ATP2B2: variants seen among roughly 807,000 people sequenced by gnomAD.
The protein encoded by ATP2B2 is plasma membrane calcium-transporting ATPase 2.
Under a neutral mutation model 120.0 loss-of-function variants are expected in ATP2B2, and 15 were observed. The ratio of observed to expected loss-of-function variants is 0.12; its 90% CI spans 0.08 to 0.19. ATP2B2 has a LOEUF of 0.19. ATP2B2 is among the 10% of genes least tolerant of loss of function. The pLI is 1.00. For missense variants in ATP2B2, 1,045 were observed against 1,719.8 expected (o/e 0.61, Z 6.94); for synonymous variants, 694 against 700.3 (o/e 0.99, Z 0.14).
At chr3:10,355,791 C>CTTTGTGCGTGTGTGTGTGTGT in intron 14 of ATP2B2, among the ~76,000 whole-genome samples, 14 of 92,520 alleles carry the variant, frequency 1.5e-4, no homozygotes, top group South Asian at 9.5e-4. Context: ...TTGTCCTTTC[C>CTTTGTGCGTGTGTGTGTGTGT]GGCCGGGCGC....
intron 12 of ATP2B2, among the ~76,000 whole-genome samples, chr3:10,366,594 C>A (rs986384810): frequency 1.1e-4 from 16 of 152,226 alleles, no homozygotes; most frequent in African/African-American, 3.9e-4. Context: ...GCAGTATCAA[C>A]CTCCTCTAAA....
intron 3 of ATP2B2, among the ~76,000 whole-genome samples, chr3:10,527,393 A>G (rs192405503): frequency 2.0e-5 from 3 of 152,234 alleles, no homozygotes; most frequent in African/African-American, 7.2e-5. Flanking sequence ...CCAAATGGAC[A>G]CCTGGGTGTC....
chr3:10,457,846 T>G (rs759898898), intron 1 of ATP2B2, among the ~76,000 whole-genome samples: 25 of 152,234 alleles, frequency 1.6e-4, no homozygotes, highest in Admixed American at 6.5e-4. Flanking sequence ...GCATCAGCCT[T>G]GAAGGCACAG....
intron 8 of ATP2B2, among the ~76,000 whole-genome samples, chr3:10,381,472 G>A (rs2061529117): frequency 6.6e-6 from 1 of 152,208 alleles, no homozygotes; most frequent in African/African-American, 2.4e-5. Flanking sequence ...ATTAAGCCCA[G>A]CTAGCACTTT....
intron 1 of ATP2B2, among the ~76,000 whole-genome samples, chr3:10,467,381 G>A (rs1372955836): frequency 6.6e-6 from 1 of 152,172 alleles, no homozygotes; most frequent in Non-Finnish European, 1.5e-5. Context: ...CGCTCCAGGG[G>A]CCCCTTCCTG....
intron 1 of ATP2B2, among the ~76,000 whole-genome samples, chr3:10,673,092 G>A (rs1365748492): frequency 6.6e-6 from 1 of 152,126 alleles, no homozygotes; most frequent in African/African-American, 2.4e-5. Context: ...CCATGCTTAG[G>A]AATGTTGTGA....
chr3:10,478,136 G>A (rs2065272884), intron 1 of ATP2B2, among the ~76,000 whole-genome samples: 1 of 152,172 alleles, frequency 6.6e-6, no homozygotes, highest in Admixed American at 6.5e-5. Context: ...GTGGTGCTGA[G>A]CATTTTTCGC....
chr3:10,394,296 T>C (rs2061956299), intron 5 of ATP2B2, among the ~76,000 whole-genome samples: 1 of 152,098 alleles, frequency 6.6e-6, no homozygotes, highest in African/African-American at 2.4e-5. Flanking sequence ...ATTATTATTG[T>C]TATTAATGCA....
chr3:10,348,861 G>A (rs1268763882), intron 16 of ATP2B2, among the ~76,000 whole-genome samples: 1 of 152,232 alleles, frequency 6.6e-6, no homozygotes, highest in East Asian at 1.9e-4. Flanking sequence ...CACCTGGCAG[G>A]ACCTCAGTAA....
chr3:10,672,534 G>A (rs1451268476), intron 1 of ATP2B2, among the ~76,000 whole-genome samples: 2 of 152,190 alleles, frequency 1.3e-5, no homozygotes, highest in Non-Finnish European at 1.5e-5. Context: ...TTTGCATTCC[G>A]CACAAGGCAG....
chr3:10,613,040 C>T (rs918179385), intron 2 of ATP2B2, among the ~76,000 whole-genome samples: 4 of 152,122 alleles, frequency 2.6e-5, no homozygotes, highest in Admixed American at 2.0e-4. Context: ...TGGCCTCCAC[C>T]GAGGGGAGGG....
At position 10,346,050 on chromosome 3, in the gene ATP2B2, G is replaced by T; in HGVS notation, c.2492C>A (p.Ala831Asp). 1 of 1,612,026 alleles carries T rather than the reference G, an allele frequency of 6.2e-7. No homozygotes were observed. Residue 831 changes from alanine to aspartate, a missense_variant, in exon 17 of 23, where the codon GCC (alanine) becomes GAC (aspartate). Physicochemically the swap from Ala to Asp is moderately radical, Grantham distance 126. Coordinates refer to ENST00000360273, the MANE Select transcript of ATP2B2 (RefSeq NM_001001331.4). The surrounding 1 kb of genome is among the most constrained non-coding windows in gnomAD (Gnocchi z 4.1). ...GTNDGPALKK[A>D]DVGFAMGIAG... is the part of the protein sequence containing the mutation. ...TCCTACCATGGCGAAGCCCACGTCG[G>T]CCTTCTTGAGTGCAGGCCCGTCGTT...
chr3:10,474,118 G>A (rs2065117429), intron 1 of ATP2B2, among the ~76,000 whole-genome samples: 1 of 152,146 alleles, frequency 6.6e-6, no homozygotes, highest in Non-Finnish European at 1.5e-5. Flanking sequence ...GAGAGGTGTG[G>A]GTGGGTGGGT....
At chr3:10,589,051 T>G (rs1432873217) in intron 2 of ATP2B2, among the ~76,000 whole-genome samples, 1 of 152,022 alleles carries the variant, frequency 6.6e-6, no homozygotes, top group Non-Finnish European at 1.5e-5. Flanking sequence ...TTCACACACC[T>G]GGGTAGGGAT....
At chr3:10,603,738 G>C (rs2068987415) in intron 2 of ATP2B2, among the ~76,000 whole-genome samples, 1 of 152,074 alleles carries the variant, frequency 6.6e-6, no homozygotes, top group Admixed American at 6.5e-5. Flanking sequence ...TCAGAGCTGA[G>C]GTGTTCACAG....
intron 1 of ATP2B2, among the ~76,000 whole-genome samples, chr3:10,690,472 C>CTATCTATCTATA (rs1553650997): frequency 7.3e-5 from 11 of 151,506 alleles, no homozygotes; most frequent in African/African-American, 2.7e-4. Context: ...ATCTATCTAT[C>CTATCTATCTATA]TATCTATATA....
intron 14 of ATP2B2, among the ~76,000 whole-genome samples, chr3:10,355,393 G>T (rs1256874016): frequency 6.6e-6 from 1 of 152,168 alleles, no homozygotes; most frequent in Non-Finnish European, 1.5e-5. Flanking sequence ...CATCCCAGGG[G>T]TGAGCCAACA....
intron 1 of ATP2B2, among the ~76,000 whole-genome samples, chr3:10,487,225 C>T (rs1444238191): frequency 6.6e-6 from 1 of 152,098 alleles, no homozygotes; most frequent in African/African-American, 2.4e-5. Flanking sequence ...AGCCTCTCCC[C>T]ACAAGCATGT....
chr3:10,585,358 G>C (rs1173844572), intron 2 of ATP2B2, among the ~76,000 whole-genome samples: 1 of 151,786 alleles, frequency 6.6e-6, no homozygotes, highest in African/African-American at 2.4e-5. Context: ...AGCTGGGTGT[G>C]ATGGTGGGCG....
Sources: allele counts gnomAD v4.1 joint callset (sites outside exome capture counted in the v4.1 genomes callset), GRCh38; gene constraint gnomAD v4.1.1; non-coding constraint Gnocchi (gnomAD v3.1); transcripts MANE v1.5; gene names NCBI Gene and HGNC (gene_info 2026-07-23, HGNC 2026-07-21).